The following KCNQ5 variants were observed in gnomAD, a reference collection of about 807,000 sequenced individuals.
KCNQ5 encodes the protein potassium voltage-gated channel subfamily KQT member 5.
A neutral mutation model predicts 98.2 loss-of-function variants in KCNQ5; 30 were observed. The observed-to-expected ratio is 0.31, with a 90% CI of 0.23 to 0.41. The LOEUF (loss-of-function observed/expected upper bound fraction) is 0.41. KCNQ5 is among the 10% of genes least tolerant of loss of function. The pLI is 1.00. For missense variants in KCNQ5, 835 were observed against 1,182.5 expected, an observed-to-expected ratio of 0.71 and a Z score of 4.31; for synonymous variants, 458 against 449.4, an observed-to-expected ratio of 1.02 and a Z score of -0.24.
chr6:72,776,059 C>G (rs537523411), intron 1 of KCNQ5, among the ~76,000 whole-genome samples: 17 of 152,168 alleles, frequency 1.1e-4, no homozygotes, highest in Admixed American at 2.0e-4. Flanking sequence ...AATAGGGGAA[C>G]TTAGTACAGG....
chr6:72,942,397 T>G (rs374691628), intron 1 of KCNQ5, among the ~76,000 whole-genome samples: 9 of 152,310 alleles, frequency 5.9e-5, no homozygotes, highest in South Asian at 2.1e-4. Flanking sequence ...GTATGATTAC[T>G]CTATGTAAAA....
chr6:73,133,415 CCA>C lies in KCNQ5; in HGVS notation c.1248-3_1248-2del. The C allele has an allele frequency of 6.2e-7, 1 of 1,613,490 alleles. No homozygotes were observed. The highest frequency in any genetic ancestry group is 8.5e-7 in the Non-Finnish European group (1 of 1,179,496). ...AATGGAATAATCATGCCTCTGTTCT[CCA>C]CAGTCAGAAGCTAAGTTTTAAGGAG... On this transcript the variant is annotated splice_region_variant and splice_polypyrimidine_tract_variant and intron_variant, in intron 9 of 13. Transcript: ENST00000370398.
In KCNQ5 at chr6:73,077,362, A is replaced by C. The variant is rs750024608; in HGVS notation, c.657A>C (p.Ala219=). The change falls in exon 4 of 14, where the codon GCA becomes GCC. Residue 219 remains alanine (A), a synonymous_variant. Coordinates refer to ENST00000370398, the MANE Select transcript of KCNQ5 (RefSeq NM_019842.4). ...VLIASIAVVS[A]KTQGNIFATS... ...TCGCTTCAATAGCAGTTGTTTCTGCAAAAACTCAGGGTAATATTTTTGCCA... is the reference window on the plus strand; with the variant it reads ...TCGCTTCAATAGCAGTTGTTTCTGCCAAAACTCAGGGTAATATTTTTGCCA... 6 of 1,614,104 alleles carry C rather than the reference A, an allele frequency of 3.7e-6. No homozygotes were observed. Among genetic ancestry groups the C allele is most frequent in the Non-Finnish European group, 5.1e-6 (6 of 1,179,986 alleles).
intron 5 of KCNQ5, among the ~76,000 whole-genome samples, chr6:73,096,059 C>G (rs1277437887): frequency 2.0e-5 from 3 of 152,074 alleles, no homozygotes; most frequent in Non-Finnish European, 2.9e-5. Flanking sequence ...GTCCCAAAAC[C>G]CCAAAAGTAG....
At chr6:73,074,335 A>G (rs964535554) in intron 3 of KCNQ5, among the ~76,000 whole-genome samples, 1 of 152,234 alleles carries the variant, frequency 6.6e-6, no homozygotes, top group Non-Finnish European at 1.5e-5. Flanking sequence ...CTGTAACCCA[A>G]CCAGAAACAT....
chr6:72,711,164 C>G (rs1368431607), intron 1 of KCNQ5, among the ~76,000 whole-genome samples: 1 of 151,832 alleles, frequency 6.6e-6, no homozygotes, highest in Admixed American at 6.6e-5. Flanking sequence ...GGACTGGTGT[C>G]CTCCTTATCA....
intron 1 of KCNQ5, among the ~76,000 whole-genome samples, chr6:72,852,219 G>A (rs944621884): frequency 1.3e-5 from 2 of 152,070 alleles, no homozygotes; most frequent in East Asian, 3.9e-4. Context: ...TGATGTGCTG[G>A]AAGTTGCTCA....
chr6:72,768,390 C>A (rs187063587), intron 1 of KCNQ5, among the ~76,000 whole-genome samples: 2 of 151,982 alleles, frequency 1.3e-5, no homozygotes, highest in Admixed American at 6.6e-5. Flanking sequence ...CTTCTGATAG[C>A]TTCTTCAAGA....
Position 72,974,356 on chromosome 6 carries a change from C to CCT in KCNQ5, c.399-29548_399-29547dup, listed in dbSNP as rs539535812. ...GCTATAAATCTTTCTCTCTTCCCTT[C>CCT]CTCTCCTACAGATGGCAATAACTAG... On this transcript the variant is annotated intron_variant, in intron 1 of 13. Transcript: ENST00000370398. 1.3e-4 allele frequency among the ~76,000 whole-genome samples: 19 copies of CCT among 151,272 alleles called. 1 individual carries two copies. The East Asian group carries it at 3.7e-3, about 29-fold the overall frequency.
intron 1 of KCNQ5, among the ~76,000 whole-genome samples, chr6:72,753,064 G>T (rs1201096600): frequency 6.6e-6 from 1 of 152,128 alleles, no homozygotes; most frequent in Non-Finnish European, 1.5e-5. Flanking sequence ...ACACCATGAT[G>T]AAGCTATAGA....
intron 1 of KCNQ5, among the ~76,000 whole-genome samples, chr6:72,967,384 A>G (rs1056226887): frequency 6.6e-6 from 1 of 152,202 alleles, no homozygotes; most frequent in Admixed American, 6.5e-5. Flanking sequence ...AAAGACAAAA[A>G]AATATCCCTT....
At chr6:73,016,101 C>T (rs1770329900) in intron 2 of KCNQ5, among the ~76,000 whole-genome samples, 1 of 151,712 alleles carries the variant, frequency 6.6e-6, no homozygotes. Flanking sequence ...ACAGGAAAAT[C>T]AATATATTAG....
chr6:72,628,408 G>A (rs937826816), intron 1 of KCNQ5, among the ~76,000 whole-genome samples: 25 of 152,176 alleles, frequency 1.6e-4, no homozygotes, highest in Admixed American at 1.6e-3. Context: ...TCTGTGATCC[G>A]AGATGGTGGA....
chr6:72,697,481 T>C (rs886600648), intron 1 of KCNQ5, among the ~76,000 whole-genome samples: 10 of 152,170 alleles, frequency 6.6e-5, no homozygotes, highest in African/African-American at 2.2e-4. Context: ...GATTTAAACC[T>C]TAAACTATAT....
intron 1 of KCNQ5, among the ~76,000 whole-genome samples, chr6:72,891,100 A>G (rs1779039840): frequency 6.6e-6 from 1 of 152,224 alleles, no homozygotes; most frequent in South Asian, 2.1e-4. Flanking sequence ...TGGATTTAAT[A>G]GGTGGGTATA....
At position 73,192,416 on chromosome 6, in the gene KCNQ5, G is replaced by A. The variant is rs189117417; in HGVS notation, c.1710-149G>A. On this transcript the variant is annotated intron_variant, in intron 12 of 13. Coordinates refer to ENST00000370398, the MANE Select transcript of KCNQ5 (RefSeq NM_019842.4). Reference sequence around the variant, plus strand: ...CATGTGTAATCTCATGTTCAAATAAGCATATCAACTGGAACAAGTTCTTTC... The same window carrying A: ...CATGTGTAATCTCATGTTCAAATAAACATATCAACTGGAACAAGTTCTTTC... 8.7e-4 allele frequency: 511 copies of A among 588,872 alleles called. 2 individuals carry two copies. Among genetic ancestry groups the A allele is most frequent in the African/African-American group, 8.6e-3 (449 of 52,416 alleles). The allele number at this position is 588,872 out of a possible 1,614,324, so 36.5% of individuals were successfully genotyped here.
intron 1 of KCNQ5, among the ~76,000 whole-genome samples, chr6:72,984,899 G>A (rs1582139124): frequency 6.6e-6 from 1 of 152,132 alleles, no homozygotes; most frequent in East Asian, 1.9e-4. Context: ...TCGAAGCCCT[G>A]GAGAGGGCCT....
chr6:72,751,326 AT>A (rs1424621434), intron 1 of KCNQ5, among the ~76,000 whole-genome samples: 15 of 149,674 alleles, frequency 1.0e-4, no homozygotes, highest in African/African-American at 3.0e-4. Context: ...AAAAAAAAAA[AT>A]ATAAGAAAAT....
intron 1 of KCNQ5, among the ~76,000 whole-genome samples, chr6:72,904,272 C>G (rs764135723): frequency 1.3e-5 from 2 of 152,110 alleles, no homozygotes; most frequent in Non-Finnish European, 2.9e-5. Context: ...GTCTTAAAGG[C>G]AGCAGATAGT....
Sources: allele counts gnomAD v4.1 joint callset (sites outside exome capture counted in the v4.1 genomes callset), GRCh38; gene constraint gnomAD v4.1.1; transcripts MANE v1.5; gene names NCBI Gene and HGNC (gene_info 2026-07-23, HGNC 2026-07-21).